The following LRRC9 variants were observed in gnomAD, a reference collection of about 807,000 sequenced individuals.
LRRC9 encodes the protein leucine-rich repeat-containing protein 9.
LRRC9 carries 122 observed loss-of-function variants against 63.2 expected under a neutral mutation model. That is an observed-to-expected ratio of 1.93 (90% confidence interval 1.67 to 2.24). LRRC9 has a LOEUF of 2.24. LRRC9 is among the 30% of genes most tolerant of loss of function. The pLI is 0.00. For missense variants in LRRC9, 1,071 were observed against 627.7 expected, an observed-to-expected ratio of 1.71 and a Z score of -7.55; for synonymous variants, 366 against 213.1, an observed-to-expected ratio of 1.72 and a Z score of -6.25.
At chr14:59,988,359 G>C (rs961668157) in intron 17 of LRRC9, among the ~76,000 whole-genome samples, 1 of 152,134 alleles carries the variant, frequency 6.6e-6, no homozygotes, top group African/African-American at 2.4e-5. Flanking sequence ...TGTGTTGCAT[G>C]CGTGCACGCA....
chr14:60,017,247 G>A lies in LRRC9; in HGVS notation c.3317+457G>A, dbSNP rs564974259. Among the ~76,000 whole-genome samples the A allele has an allele frequency of 1.8e-4, 27 of 152,122 alleles. No homozygotes were observed. The South Asian group carries it at 5.4e-3, about 30-fold the overall frequency. Reference sequence around the variant, plus strand: ...TATTATCTGTCCATTATTATCTCTTGTAGTCCTTTTCTTTACTGCCCATGA... The same window carrying A: ...TATTATCTGTCCATTATTATCTCTTATAGTCCTTTTCTTTACTGCCCATGA... On this transcript the variant is annotated intron_variant, in intron 24 of 31. Coordinates refer to ENST00000445360, the Ensembl canonical transcript of LRRC9. The surrounding 1 kb of genome is among the most constrained non-coding windows in gnomAD (Gnocchi z 4.0).
rs1170590970 is a variant in LRRC9 at position 59,922,612 on chromosome 14, GAAGAACACCTACT to G, written c.-34+2734_-34+2746del. On this transcript the variant is annotated intron_variant, in intron 1 of 31. Transcript: ENST00000445360. The surrounding 1 kb of genome is among the most constrained non-coding windows in gnomAD (Gnocchi z 5.3). ...AAAAGGGATTTGTTTTGGACAAAAGGAAGAACACCTACTAAGACAGGAGTCAGAAGGGAAAGAA... is the reference window on the plus strand; with the variant it reads ...AAAAGGGATTTGTTTTGGACAAAAGGAAGACAGGAGTCAGAAGGGAAAGAA... Among the ~76,000 whole-genome samples, 2 of 152,182 alleles carry G rather than the reference GAAGAACACCTACT, an allele frequency of 1.3e-5. No homozygotes were observed. Among genetic ancestry groups the G allele is most frequent in the Non-Finnish European group, 2.9e-5 (2 of 68,032 alleles).
chr14:60,054,934 G>T (rs1016847974), intron 30 of LRRC9, among the ~76,000 whole-genome samples: 7 of 152,018 alleles, frequency 4.6e-5, no homozygotes, highest in African/African-American at 1.4e-4. Flanking sequence ...GCTAATTTTT[G>T]TATTTTTAGT....
At position 60,018,544 on chromosome 14, in the gene LRRC9, T is replaced by G. The variant is rs1890876390; in HGVS notation, c.3426+65T>G. On this transcript the variant is annotated intron_variant, in intron 25 of 31. Coordinates refer to ENST00000445360, the Ensembl canonical transcript of LRRC9. ...AATGCAAATTATTCTTTGCTTTGGA[T>G]TAAATGGTATTTCCATGTTATTAAA... 3 of 610,204 alleles carry G rather than the reference T, an allele frequency of 4.9e-6. No individual in the cohort carries two copies. In the East Asian group the frequency reaches 8.5e-5, roughly 17 times the overall value. The allele number at this position is 610,204 out of a possible 1,614,324, so 37.8% of individuals were successfully genotyped here. A position where few individuals can be genotyped will look rare whatever the true frequency, so the allele number is the denominator to read the frequency against.
exon 29 of LRRC9, chr14:60,032,037 A>T: frequency 1.4e-6 from 1 of 700,922 alleles, no homozygotes; most frequent in South Asian, 1.5e-5. Flanking sequence ...CTCTACTCTC[A>T]GGGAGCTTAC....
At chr14:60,012,103 G>C (rs749080547) in intron 23 of LRRC9, among the ~76,000 whole-genome samples, 24 of 152,104 alleles carry the variant, frequency 1.6e-4, no homozygotes, top group Non-Finnish European at 2.8e-4. Flanking sequence ...AGAAAAAGAA[G>C]TCATGAAAAG....
At chr14:60,006,402 T>C in exon 22 of LRRC9, 1 of 689,160 alleles carries the variant, frequency 1.5e-6, no homozygotes, top group Non-Finnish European at 2.6e-6. Context: ...TCTAGGTATT[T>C]CCAAGATGAC....
chr14:60,013,431 A>C (rs1890418468), intron 23 of LRRC9, among the ~76,000 whole-genome samples: 1 of 152,138 alleles, frequency 6.6e-6, no homozygotes, highest in Admixed American at 6.6e-5. Flanking sequence ...AAGCCTTGCA[A>C]TTGTTTGAAT....
At position 59,938,368 on chromosome 14, in the gene LRRC9, A is replaced by G. The variant is rs1046053967; in HGVS notation, c.544-22A>G. 24 of 669,122 alleles carry G rather than the reference A, an allele frequency of 3.6e-5. No homozygotes were observed. The highest frequency in any genetic ancestry group is 6.0e-5 in the Non-Finnish European group (22 of 369,542). The allele number at this position is 669,122 out of a possible 1,614,324, so 41.4% of individuals were successfully genotyped here. A position where few individuals can be genotyped will look rare whatever the true frequency, so the allele number is the denominator to read the frequency against. ...AAATGACAGTCACAATTAACTGAAC[A>G]TTATCTTTGCTGGCATTTTAGGAAC... On this transcript the variant is annotated intron_variant, in intron 6 of 31. Coordinates refer to ENST00000445360, the Ensembl canonical transcript of LRRC9. The surrounding 1 kb of genome is among the most constrained non-coding windows in gnomAD (Gnocchi z 4.2).
chr14:59,922,885 A>C lies in LRRC9; in HGVS notation c.-34+3002A>C, dbSNP rs546338608. ...ATCTAACTGAAGTTAGAGGCAATGCATTTGTAGTGACTTCAGCTCCATGCT... is the reference window on the plus strand; with the variant it reads ...ATCTAACTGAAGTTAGAGGCAATGCCTTTGTAGTGACTTCAGCTCCATGCT... On this transcript the variant is annotated intron_variant, in intron 1 of 31. Transcript: ENST00000445360. The surrounding 1 kb of genome is among the most constrained non-coding windows in gnomAD (Gnocchi z 5.3). Among the ~76,000 whole-genome samples the C allele has an allele frequency of 6.6e-6, 1 of 152,382 alleles. No individual in the cohort carries two copies. The highest frequency in any genetic ancestry group is 2.4e-5 in the African/African-American group (1 of 41,588).
chr14:59,959,883 T>C, exon 9 of LRRC9: 1 of 699,138 alleles, frequency 1.4e-6, no homozygotes, highest in Non-Finnish European at 2.6e-6. Context: ...CCAATAACAG[T>C]AAAGTAACTG....
intron 14 of LRRC9, among the ~76,000 whole-genome samples, 155 bp from the exon 15 acceptor site, chr14:59,977,862 G>A (rs1188385962): frequency 1.3e-5 from 2 of 151,926 alleles, no homozygotes; most frequent in African/African-American, 2.4e-5. Context: ...AACTTACTGA[G>A]TTTGTTATTT....
chr14:60,031,982 A>T lies in LRRC9; in HGVS notation c.3922-13A>T, dbSNP rs527488808. The T allele has an allele frequency of 1.4e-6, 1 of 698,054 alleles. No individual in the cohort carries two copies. Among genetic ancestry groups the T allele is most frequent in the Non-Finnish European group, 2.6e-6 (1 of 382,694 alleles). 43.2% of individuals were successfully genotyped at this position (698,054 alleles called of 1,614,324 possible). On this transcript the variant is annotated splice_polypyrimidine_tract_variant and intron_variant, in intron 28 of 31. Transcript: ENST00000445360. This position sits in a 1 kb window ranked among gnomAD's most constrained non-coding sequence, Gnocchi z 4.6. ...CTAACCAAATAATAACTTACTGATT[A>T]ACTTTTGAATAGGATATCACAGAAC...
chr14:59,944,625 C>G, exon 8 of LRRC9: 1 of 635,960 alleles, frequency 1.6e-6, no homozygotes, highest in Admixed American at 2.7e-5. Flanking sequence ...TTATAATATG[C>G]GTATAAAAAC....
At chr14:60,013,466 T>G (rs908743990) in intron 23 of LRRC9, among the ~76,000 whole-genome samples, 1 of 152,204 alleles carries the variant, frequency 6.6e-6, no homozygotes, top group East Asian at 1.9e-4. Flanking sequence ...TTATTCAAGA[T>G]TATCTCCTTA....
In LRRC9 at chr14:60,053,546, A is replaced by G. The variant is rs1267751991; in HGVS notation, c.4131+341A>G. On this transcript the variant is annotated intron_variant, in intron 30 of 31. Transcript: ENST00000445360. The surrounding 1 kb of genome is among the most constrained non-coding windows in gnomAD (Gnocchi z 4.8). ...ATGCTAGAACATAGGAAACTATAAC[A>G]TATCACTTTCATAAATAGAAACTAA... is the stretch of plus-strand genomic sequence containing the variant. 6.6e-6 allele frequency among the ~76,000 whole-genome samples: 1 copy of G among 152,186 alleles called. No homozygotes were observed. The highest frequency in any genetic ancestry group is 2.1e-4 in the South Asian group (1 of 4,832).
intron 29 of LRRC9, among the ~76,000 whole-genome samples, chr14:60,046,952 T>G (rs911881150): frequency 5.3e-5 from 8 of 152,174 alleles, no homozygotes; most frequent in African/African-American, 1.9e-4. Flanking sequence ...AGTTTGTAGT[T>G]CTCCTTGAAG....
rs1354435186 is a variant in LRRC9, at chr14:60,028,232, T to TC, written c.3921+132dup. The TC allele has an allele frequency of 4.7e-5, 27 of 579,162 alleles. No individual in the cohort carries two copies. In the East Asian group the frequency reaches 7.6e-4, roughly 16 times the overall value. 35.9% of individuals were successfully genotyped at this position (579,162 alleles called of 1,614,324 possible). ...TTATCACCTATATACCATCTATATT[T>TC]CAAGTCATAGAAATAGTCTGTGATG... On this transcript the variant is annotated intron_variant, in intron 28 of 31. Transcript: ENST00000445360.
intron 27 of LRRC9, among the ~76,000 whole-genome samples, chr14:60,026,878 T>A (rs1454079707): frequency 3.3e-5 from 5 of 151,958 alleles, no homozygotes; most frequent in African/African-American, 1.2e-4. Context: ...TTATGCCAGT[T>A]CTTAAGAGGA....
Sources: gnomAD v4.1 joint callset for allele counts (sites outside exome capture counted in the v4.1 genomes callset) on GRCh38, gnomAD v4.1.1 for gene constraint, Gnocchi (gnomAD v3.1) non-coding constraint, MANE v1.5 for transcripts, NCBI Gene and HGNC (gene_info 2026-07-23, HGNC 2026-07-21) for gene names.